BRINP1: variants seen among roughly 807,000 people sequenced by gnomAD.
BRINP1 encodes the protein BMP/retinoic acid inducible neural specific 1.
Under a neutral mutation model 72.9 loss-of-function variants are expected in BRINP1, and 17 were observed. That is an observed-to-expected ratio of 0.23 (90% CI 0.16 to 0.35). The LOEUF is 0.35. Among genes scored for constraint, BRINP1 ranks in the 10% least tolerant of loss-of-function variants. The pLI is 1.00. For synonymous variants in BRINP1, 418 were observed against 378.5 expected, an observed-to-expected ratio of 1.10 and a Z score of -1.21; for missense variants, 850 against 1,001.6, an observed-to-expected ratio of 0.85 and a Z score of 2.04.
chr9:119,295,152 T>C (rs1427472558), intron 2 of BRINP1, among the ~76,000 whole-genome samples: 2 of 149,526 alleles, frequency 1.3e-5, no homozygotes, highest in East Asian at 1.9e-4. Flanking sequence ...TATTTTTTAT[T>C]ATTTTTAATT....
chr9:119,364,805 A>G (rs1831674166), intron 1 of BRINP1, among the ~76,000 whole-genome samples: 2 of 152,384 alleles, frequency 1.3e-5, no homozygotes, highest in Admixed American at 1.3e-4. Context: ...CAGGAAGTCA[A>G]TATTCACTTC....
chr9:119,265,983 G>A (rs561852281), intron 2 of BRINP1, among the ~76,000 whole-genome samples: 2 of 152,324 alleles, frequency 1.3e-5, no homozygotes, highest in South Asian at 2.1e-4. Flanking sequence ...TAAATGCCAA[G>A]TGATAAGACA....
intron 2 of BRINP1, among the ~76,000 whole-genome samples, chr9:119,285,714 T>A (rs960129352): frequency 6.6e-6 from 1 of 152,144 alleles, no homozygotes; most frequent in South Asian, 2.1e-4. Flanking sequence ...TTTTTTTCCC[T>A]CCTCATCTAA....
chr9:119,245,870 TATAG>T (rs1215353322), intron 3 of BRINP1, among the ~76,000 whole-genome samples: 1 of 152,170 alleles, frequency 6.6e-6, no homozygotes, highest in African/African-American at 2.4e-5. Flanking sequence ...CCTCCTTCTT[TATAG>T]ATAAAGAAAT....
At position 119,313,157 on chromosome 9, in the gene BRINP1, T is replaced by C. The variant is rs936210539; in HGVS notation, c.199A>G (p.Thr67Ala). The change falls in exon 2 of 8, where the codon ACC (threonine) becomes GCC (alanine). Residue 67 changes from threonine (T) to alanine (A), a missense_variant. By Grantham distance (58) the Thr-to-Ala change is moderately conservative (BLOSUM62 0). Coordinates refer to ENST00000265922, the MANE Select transcript of BRINP1 (RefSeq NM_014618.3). ...TCTTACCTGTATATTTTATATCTGG[T>C]TGTAAATCCTTGACGGTGTCTTTCC... is the stretch of plus-strand genomic sequence containing the variant. ...FVERHRQGFT[T>A]RYKIYREFAR... The C allele has an allele frequency of 4.3e-6, 7 of 1,613,888 alleles. No homozygotes were observed. Among genetic ancestry groups the C allele is most frequent in the African/African-American group, 2.7e-5 (2 of 74,914 alleles).
At chr9:119,237,589 C>G (rs1291617030) in intron 5 of BRINP1, among the ~76,000 whole-genome samples, 1 of 151,952 alleles carries the variant, frequency 6.6e-6, no homozygotes, top group Non-Finnish European at 1.5e-5. Context: ...GTCTCAATCT[C>G]CTGACCTCGT....
chr9:119,325,513 C>G (rs911552340), intron 1 of BRINP1, among the ~76,000 whole-genome samples: 34 of 152,236 alleles, frequency 2.2e-4, no homozygotes, highest in African/African-American at 7.7e-4. Flanking sequence ...TCCCTTCTCT[C>G]TAAACCTCAG....
At chr9:119,279,492 T>C (rs1830687515) in intron 2 of BRINP1, among the ~76,000 whole-genome samples, 1 of 152,228 alleles carries the variant, frequency 6.6e-6, no homozygotes, top group Non-Finnish European at 1.5e-5. Context: ...TTGTATCTTA[T>C]TTACCTCTGT....
At chr9:119,242,258 T>G in intron 3 of BRINP1, 42 bp from the exon 4 acceptor site, 1 of 1,569,184 alleles carries the variant, frequency 6.4e-7, no homozygotes, top group Non-Finnish European at 8.7e-7. Flanking sequence ...TTGTGGAGCT[T>G]TCATGTGAGA....
In BRINP1 at chr9:119,190,194, A is replaced by T. The variant is rs146076132; in HGVS notation, c.1145+18525T>A. On this transcript the variant is annotated intron_variant, in intron 7 of 7. Coordinates refer to ENST00000265922, the MANE Select transcript of BRINP1 (RefSeq NM_014618.3). The stretch of plus-strand genomic sequence containing the variant: ...AAGAAGTTATCAGAGGGAGGCTTAC[A>T]GCAATAAATAATAAACAAGAAGAAA... Among the ~76,000 whole-genome samples the T allele has an allele frequency of 1.4e-3, 206 of 152,112 alleles. 1 individual carries two copies. Among genetic ancestry groups the T allele is most frequent in the African/African-American group, 4.7e-3 (195 of 41,570 alleles).
Position 119,368,901 on chromosome 9 carries a change from G to T in BRINP1, c.-51+155C>A, listed in dbSNP as rs1302845541. Among the ~76,000 whole-genome samples, 4 of 152,170 alleles carry T rather than the reference G, an allele frequency of 2.6e-5. No homozygotes were observed. Among genetic ancestry groups the T allele is most frequent in the African/African-American group, 9.6e-5 (4 of 41,454 alleles). On this transcript the variant is annotated intron_variant, in intron 1 of 7. Coordinates refer to ENST00000265922, the MANE Select transcript of BRINP1 (RefSeq NM_014618.3). This position sits in a 1 kb window ranked among gnomAD's most constrained non-coding sequence, Gnocchi z 4.7. Reference sequence around the variant, plus strand: ...CACAGGAACCCCCTCCCTAGAACTGGAGAAGACTTGGAGGCGGCGGGGCGG... The same window carrying T: ...CACAGGAACCCCCTCCCTAGAACTGTAGAAGACTTGGAGGCGGCGGGGCGG...
intron 1 of BRINP1, among the ~76,000 whole-genome samples, chr9:119,361,367 T>A (rs1231993389): frequency 6.6e-6 from 1 of 152,212 alleles, no homozygotes; most frequent in African/African-American, 2.4e-5. Flanking sequence ...GCTGCTGTGT[T>A]CCATGAGGAC....
intron 2 of BRINP1, 75 bp downstream of exon 2, chr9:119,313,063 T>C (rs1486641801): frequency 1.3e-6 from 2 of 1,503,952 alleles, no homozygotes; most frequent in African/African-American, 2.8e-5. Context: ...CACAGCAAGG[T>C]TTGCACCAAT....
At chr9:119,321,622 G>A (rs1037210580) in intron 1 of BRINP1, among the ~76,000 whole-genome samples, 4 of 152,092 alleles carry the variant, frequency 2.6e-5, no homozygotes, top group Middle Eastern at 3.2e-3. Context: ...CTACAAGCAC[G>A]TGCCACCATG....
chr9:119,195,228 T>C (rs1422935248), intron 7 of BRINP1, among the ~76,000 whole-genome samples: 1 of 152,170 alleles, frequency 6.6e-6, no homozygotes, highest in Non-Finnish European at 1.5e-5. Flanking sequence ...CTACCACTTG[T>C]ATCCCGCCTG....
intron 7 of BRINP1, among the ~76,000 whole-genome samples, chr9:119,174,887 T>C (rs1252902336): frequency 6.7e-6 from 1 of 149,688 alleles, no homozygotes; most frequent in African/African-American, 2.5e-5. Context: ...AAACACCGCA[T>C]ATTCTCACTC....
At chr9:119,303,281 CACACACACAG>C (rs1259142295) in intron 2 of BRINP1, among the ~76,000 whole-genome samples, 1 of 138,524 alleles carries the variant, frequency 7.2e-6, no homozygotes, top group Admixed American at 7.4e-5. Context: ...ACCCCCACCA[CACACACACAG>C]ACACACACAC....
intron 3 of BRINP1, among the ~76,000 whole-genome samples, chr9:119,248,192 C>G (rs536432645): frequency 2.0e-4 from 31 of 152,340 alleles, no homozygotes; most frequent in African/African-American, 7.2e-4. Flanking sequence ...TGGGCCATAC[C>G]TAAATGCAGC....
chr9:119,170,970 T>A, intron 7 of BRINP1, among the ~76,000 whole-genome samples: 1 of 141,602 alleles, frequency 7.1e-6, no homozygotes, highest in Admixed American at 6.9e-5. Context: ...CTAAAAGAGC[T>A]CCTGAAGGAA....
Sources: allele counts gnomAD v4.1 joint callset (sites outside exome capture counted in the v4.1 genomes callset), GRCh38; gene constraint gnomAD v4.1.1; non-coding constraint Gnocchi (gnomAD v3.1); transcripts MANE v1.5; gene names NCBI Gene and HGNC (gene_info 2026-07-23, HGNC 2026-07-21).